JMJD1C: variants seen among roughly 807,000 people sequenced by gnomAD.
JMJD1C encodes the protein jumonji domain containing 1C, also known as jumonji domain-containing protein 1C.
In JMJD1C, 31 loss-of-function variants were observed where a neutral mutation model predicts 245.3. That is an observed-to-expected ratio of 0.13 (90% CI 0.09 to 0.17). The LOEUF is 0.17. Ranked by LOEUF, JMJD1C falls within the 10% of genes least tolerant of loss-of-function variation. The probability of loss-of-function intolerance (pLI) is 1.00; values close to 1 mark genes in which losing one functional copy is unlikely to be tolerated. For missense variants in JMJD1C, 2,691 were observed against 3,000.2 expected (o/e 0.90, Z 2.41); for synonymous variants, 1,057 against 1,017.4 (o/e 1.04, Z -0.74).
rs757441243 is a variant in JMJD1C, at chr10:63,193,081, G to T, written c.5933C>A (p.Thr1978Asn). The T allele has an allele frequency of 3.1e-6, 5 of 1,614,116 alleles. No individual in the cohort carries two copies. Among genetic ancestry groups the T allele is most frequent in the Non-Finnish European group, 8.5e-7 (1 of 1,180,004 alleles). Residue 1978 changes from threonine to asparagine, a missense_variant, in exon 16 of 26, where the codon ACT becomes AAT. Physicochemically the swap from Thr to Asn is moderately conservative, Grantham distance 65. This residue lies in a region of JMJD1C where 275 missense variants were observed against 285.5 expected (regional missense o/e 0.96). Coordinates refer to ENST00000399262, the MANE Select transcript of JMJD1C (RefSeq NM_032776.3). Reference sequence around the variant, plus strand: ...ACCATTTTTCTCAGACTTCGGAGGAGTATTTTGCTGCTGAGACTCAGGCAT... The same window carrying T: ...ACCATTTTTCTCAGACTTCGGAGGATTATTTTGCTGCTGAGACTCAGGCAT... ...LCMPESQQQNTPPKSEKNGGS... is the reference protein window; with the variant it reads ...LCMPESQQQNNPPKSEKNGGS...
chr10:63,355,692 AAAG>A (rs1420104880), intron 2 of JMJD1C, among the ~76,000 whole-genome samples: 1 of 152,288 alleles, frequency 6.6e-6, no homozygotes, highest in Admixed American at 6.5e-5. Flanking sequence ...AAAGATATGC[AAAG>A]ATGATTTTGT....
intron 1 of JMJD1C, among the ~76,000 whole-genome samples, chr10:63,408,692 G>A (rs1006858657): frequency 6.6e-6 from 1 of 150,770 alleles, no homozygotes; most frequent in Non-Finnish European, 1.5e-5. Flanking sequence ...GGGCCATCAA[G>A]TATATCCTAA....
intron 2 of JMJD1C, among the ~76,000 whole-genome samples, chr10:63,370,671 C>CT (rs1287100100): frequency 6.6e-6 from 1 of 152,132 alleles, no homozygotes; most frequent in African/African-American, 2.4e-5. Flanking sequence ...TTATATTTTA[C>CT]TTTGTTATGG....
At chr10:63,287,119 T>C (rs578087721) in intron 2 of JMJD1C, among the ~76,000 whole-genome samples, 58 of 152,282 alleles carry the variant, frequency 3.8e-4, no homozygotes, top group African/African-American at 1.4e-3. Context: ...GCTAAGTATG[T>C]TGCAATACAT....
intron 2 of JMJD1C, among the ~76,000 whole-genome samples, chr10:63,286,420 G>T (rs1027588898): frequency 6.6e-6 from 1 of 152,190 alleles, no homozygotes; most frequent in Non-Finnish European, 1.5e-5. Flanking sequence ...CCGTGAACAC[G>T]GTTAAGAACA....
At position 63,214,062 on chromosome 10, in the gene JMJD1C, G is replaced by A. The variant is rs767860055; in HGVS notation, c.2105C>T (p.Pro702Leu). The A allele has an allele frequency of 6.2e-6, 10 of 1,613,942 alleles. No homozygotes were observed. The highest frequency in any genetic ancestry group is 1.7e-6 in the Non-Finnish European group (2 of 1,179,944). The part of the protein sequence containing the change: ...RSSTLETTKS[P>L]LIIDKNEHFT... Reference sequence around the variant, plus strand: ...ATGCTCATTTTTATCAATGATAAGAGGACTCTTTGTAGTTTCTAATGTACT... The same window carrying A: ...ATGCTCATTTTTATCAATGATAAGAAGACTCTTTGTAGTTTCTAATGTACT... Residue 702 changes from proline to leucine, a missense_variant, in exon 8 of 26, where the codon CCT becomes CTT. Physicochemically the swap from Pro to Leu is moderately conservative, Grantham distance 98 (BLOSUM62 -3). Around this residue, in one of 9 missense-constraint regions of JMJD1C, gnomAD observed 1,562 missense variants for 1,490.7 expected, o/e 1.05. Transcript: ENST00000399262.
intron 2 of JMJD1C, among the ~76,000 whole-genome samples, chr10:63,341,378 CACTG>C (rs1943365454): frequency 6.6e-6 from 1 of 152,184 alleles, no homozygotes; most frequent in South Asian, 2.1e-4. Context: ...CCTAGAAAGA[CACTG>C]ACTACAGCTG....
intron 2 of JMJD1C, among the ~76,000 whole-genome samples, chr10:63,274,495 C>G (rs1856603387): frequency 6.6e-6 from 1 of 151,980 alleles, no homozygotes; most frequent in Non-Finnish European, 1.5e-5. Flanking sequence ...AGCCCAGGAG[C>G]CAGAGGTTGC....
At chr10:63,359,853 C>G (rs1001871405) in intron 2 of JMJD1C, among the ~76,000 whole-genome samples, 3 of 151,858 alleles carry the variant, frequency 2.0e-5, no homozygotes, top group Non-Finnish European at 4.4e-5. Flanking sequence ...CATATGGTAA[C>G]CCGGTACTTT....
chr10:63,452,830 T>C (rs1161770068), intron 1 of JMJD1C, among the ~76,000 whole-genome samples: 1 of 152,170 alleles, frequency 6.6e-6, no homozygotes, highest in Non-Finnish European at 1.5e-5. Flanking sequence ...AGTACAAATA[T>C]TGTATGATTC....
intron 1 of JMJD1C, among the ~76,000 whole-genome samples, chr10:63,487,171 C>T (rs1192837807): frequency 6.6e-6 from 1 of 152,072 alleles, no homozygotes; most frequent in African/African-American, 2.4e-5. Flanking sequence ...AAAATAGCCC[C>T]ATGAAAAATG....
rs141981100 is a variant in JMJD1C, at chr10:63,214,835, TTCA to T, written c.1329_1331del (p.His443_Glu444delinsGln). The T allele has an allele frequency of 5.9e-3, 9,565 of 1,614,008 alleles. 84 individuals are homozygous for T. The highest frequency in any genetic ancestry group is 0.033 in the African/African-American group (2,488 of 75,004). On this transcript the variant is annotated inframe_deletion, in exon 8 of 26. Transcript: ENST00000399262. ...CAACAGACTTCCGCTTCTCTGCTTC[TTCA>T]TGTTTTTTATCTTCCTGTATTTGAT...
intron 1 of JMJD1C, among the ~76,000 whole-genome samples, chr10:63,418,777 C>A (rs1343173571): frequency 6.6e-6 from 1 of 152,040 alleles, no homozygotes; most frequent in African/African-American, 2.4e-5. Flanking sequence ...ATTCCCATGA[C>A]CATTAAAAAT....
At chr10:63,324,013 A>G (rs1941228616) in intron 2 of JMJD1C, among the ~76,000 whole-genome samples, 2 of 151,142 alleles carry the variant, frequency 1.3e-5, no homozygotes, top group Admixed American at 6.6e-5. Context: ...TCCAGCTCAG[A>G]AAGAGCCAAT....
At chr10:63,318,951 G>A (rs1004291114) in intron 2 of JMJD1C, among the ~76,000 whole-genome samples, 7 of 152,050 alleles carry the variant, frequency 4.6e-5, no homozygotes, top group Non-Finnish European at 7.4e-5. Context: ...TTTAATATCT[G>A]AATGACAACT....
intron 1 of JMJD1C, among the ~76,000 whole-genome samples, chr10:63,502,386 C>A (rs1397738351): frequency 6.6e-6 from 1 of 152,162 alleles, no homozygotes; most frequent in Admixed American, 6.5e-5. Flanking sequence ...TGCCTGTAAT[C>A]CCAGCACTTT....
chr10:63,204,939 G>C, intron 10 of JMJD1C: 1 of 985,382 alleles, frequency 1.0e-6, no homozygotes, highest in Non-Finnish European at 1.2e-6. Context: ...AAAGTACTTT[G>C]AGTGTCCACA....
At position 63,465,741 on chromosome 10, in the gene JMJD1C, G is replaced by A. The variant is rs1356343835; in HGVS notation, c.-79C>T. 4 of 1,508,700 alleles carry A rather than the reference G, an allele frequency of 2.7e-6. No homozygotes were observed. The highest frequency in any genetic ancestry group is 1.1e-5 in the South Asian group (1 of 87,652). 93.5% of individuals were successfully genotyped at this position (1,508,700 alleles called of 1,614,324 possible). On this transcript the variant is annotated 5_prime_UTR_variant, in exon 1 of 26. Transcript: ENST00000399262. ...AACCTCACTCCTACCGGCCGCTCAT[G>A]CTGAGGAGAGCGGACCGGGACACAG...
chr10:63,214,350 A>C lies in JMJD1C; in HGVS notation c.1817T>G (p.Val606Gly). The C allele has an allele frequency of 6.2e-7, 1 of 1,614,048 alleles. No homozygotes were observed. Among genetic ancestry groups the C allele is most frequent in the Non-Finnish European group, 8.5e-7 (1 of 1,179,984 alleles). Reference protein sequence around the residue: ...YVSYISPLSAVSVMEDKLHKR... With the variant: ...YVSYISPLSAGSVMEDKLHKR... ...ATGCAGCTTATCTTCCATGACAGAA[A>C]CTGCACTTAAAGGAGAAATGTAAGA... is the stretch of plus-strand genomic sequence containing the variant. Residue 606 changes from valine to glycine, a missense_variant, in exon 8 of 26, where the codon GTT becomes GGT. Around this residue, in one of 9 missense-constraint regions of JMJD1C, gnomAD observed 1,562 missense variants for 1,490.7 expected, o/e 1.05. Transcript: ENST00000399262.
Sources: gnomAD v4.1 joint callset for allele counts (sites outside exome capture counted in the v4.1 genomes callset) on GRCh38, gnomAD v4.1.1 for gene constraint, gnomAD v4.1.1 regional missense constraint, MANE v1.5 for transcripts, NCBI Gene and HGNC (gene_info 2026-07-23, HGNC 2026-07-21) for gene names.